Variants in COMMD1 observed in about 807,000 individuals in gnomAD.
The protein encoded by COMMD1 is copper metabolism domain containing 1, also known as COMM domain-containing protein 1.
In COMMD1, 10 loss-of-function variants were observed where a neutral mutation model predicts 17.2. That is an observed-to-expected ratio of 0.58 (90% CI 0.36 to 0.99). The LOEUF is 0.99. COMMD1 is among the 50% of genes least tolerant of loss of function. The pLI, the probability that COMMD1 is intolerant of heterozygous loss-of-function variation, is 0.01. For missense variants in COMMD1, 270 were observed against 231.8 expected, an observed-to-expected ratio of 1.17 and a Z score of -1.07; for synonymous variants, 97 against 91.6, an observed-to-expected ratio of 1.06 and a Z score of -0.34.
chr2:62,025,498 C>G (rs894868359), intron 2 of COMMD1, among the ~76,000 whole-genome samples: 8 of 152,086 alleles, frequency 5.3e-5, no homozygotes, highest in African/African-American at 1.9e-4. Flanking sequence ...CCACTGCATT[C>G]CAGCCTGGGG....
At chr2:62,097,907 A>T (rs1672055893) in intron 2 of COMMD1, among the ~76,000 whole-genome samples, 1 of 152,224 alleles carries the variant, frequency 6.6e-6, no homozygotes, top group Non-Finnish European at 1.5e-5. Flanking sequence ...CCCTCAGAGC[A>T]TCCCTATTCT....
intron 2 of COMMD1, among the ~76,000 whole-genome samples, chr2:62,063,136 G>T (rs1179247992): frequency 6.6e-6 from 1 of 152,136 alleles, no homozygotes; most frequent in Non-Finnish European, 1.5e-5. Context: ...AGAATCGCTT[G>T]AACCCAGGAG....
intron 2 of COMMD1, among the ~76,000 whole-genome samples, chr2:62,025,238 T>TA (rs1034767065): frequency 1.2e-4 from 15 of 129,852 alleles, no homozygotes; most frequent in Middle Eastern, 6.0e-3. Context: ...AACAAACAAA[T>TA]AAAAAAAAAC....
chr2:62,005,245 T>C (rs1198714822), intron 2 of COMMD1, among the ~76,000 whole-genome samples: 3 of 152,210 alleles, frequency 2.0e-5, no homozygotes, highest in Non-Finnish European at 2.9e-5. Flanking sequence ...GAACTTGGTA[T>C]CATATTTTTA....
chr2:61,915,156 C>T (rs1309221650), intron 1 of COMMD1, among the ~76,000 whole-genome samples: 1 of 151,982 alleles, frequency 6.6e-6, no homozygotes, highest in Non-Finnish European at 1.5e-5. Context: ...CAGGTGTGCA[C>T]CACCATGTCT....
At chr2:62,133,573 A>G (rs954658381) in intron 2 of COMMD1, among the ~76,000 whole-genome samples, 14 of 152,196 alleles carry the variant, frequency 9.2e-5, no homozygotes, top group Admixed American at 7.9e-4. Context: ...AGAAAATCCA[A>G]AGAGGCAGTT....
chr2:62,004,904 G>A (rs1046663131), intron 2 of COMMD1, among the ~76,000 whole-genome samples: 1 of 152,220 alleles, frequency 6.6e-6, no homozygotes, highest in African/African-American at 2.4e-5. Flanking sequence ...AGGATATCAA[G>A]AAGTTGCTTC....
At chr2:61,956,814 G>A (rs970971502) in intron 1 of COMMD1, among the ~76,000 whole-genome samples, 16 of 151,950 alleles carry the variant, frequency 1.1e-4, no homozygotes, top group South Asian at 6.2e-4. Flanking sequence ...GCAGTGGTGC[G>A]ATATCAGCTC....
chr2:62,090,628 A>T (rs895750080), intron 2 of COMMD1: 8 of 152,368 alleles, frequency 5.3e-5, no homozygotes, highest in Middle Eastern at 3.4e-3. Context: ...AAGTTTTGTT[A>T]CAGGAGAAGT....
intron 2 of COMMD1, among the ~76,000 whole-genome samples, chr2:62,039,650 T>G (rs1472438389): frequency 6.6e-6 from 1 of 152,218 alleles, no homozygotes; most frequent in Non-Finnish European, 1.5e-5. Context: ...GAAAGCACAA[T>G]TCTGTCTGAC....
At chr2:61,945,188 C>T (rs1002380000) in intron 1 of COMMD1, among the ~76,000 whole-genome samples, 1 of 152,184 alleles carries the variant, frequency 6.6e-6, no homozygotes, top group Non-Finnish European at 1.5e-5. Flanking sequence ...AGTTCAGCTA[C>T]TTACCTAGGA....
intron 1 of COMMD1, among the ~76,000 whole-genome samples, chr2:61,945,227 A>G (rs894052169): frequency 6.6e-6 from 1 of 152,216 alleles, no homozygotes; most frequent in African/African-American, 2.4e-5. Context: ...ACTGCTCTCT[A>G]CTATGCTACA....
At chr2:61,905,368 T>TA (rs1297535860), upstream of COMMD1, among the ~76,000 whole-genome samples, 6 of 152,204 alleles carry the variant, frequency 3.9e-5, no homozygotes, top group Non-Finnish European at 7.3e-5. Context: ...CTGCCAAACT[T>TA]ATAGGCTGCT....
At chr2:61,989,720 TC>T (rs1558550933) in intron 1 of COMMD1, among the ~76,000 whole-genome samples, 1 of 152,116 alleles carries the variant, frequency 6.6e-6, no homozygotes. Context: ...CACGTCGGCC[TC>T]CCAAAGTGCT....
chr2:61,900,751 C>T (rs187075827), upstream of COMMD1, among the ~76,000 whole-genome samples: 3 of 152,096 alleles, frequency 2.0e-5, no homozygotes, highest in Admixed American at 2.0e-4. Flanking sequence ...CCATGGAAAA[C>T]TAGGGGGTTT....
intron 2 of COMMD1, among the ~76,000 whole-genome samples, chr2:62,115,658 A>T (rs553562359): frequency 1.3e-5 from 2 of 152,318 alleles, no homozygotes; most frequent in Admixed American, 1.3e-4. Context: ...TATGTGAGTT[A>T]GGAAATATAC....
intron 2 of COMMD1, among the ~76,000 whole-genome samples, chr2:62,038,536 T>TA (rs909635164): frequency 6.6e-6 from 1 of 151,766 alleles, no homozygotes; most frequent in Non-Finnish European, 1.5e-5. Context: ...TTTTATTTTT[T>TA]ATCATTTATT....
chr2:62,044,440 T>C (rs1670324834), intron 2 of COMMD1, among the ~76,000 whole-genome samples: 1 of 152,222 alleles, frequency 6.6e-6, no homozygotes. Context: ...CTTGATCCTT[T>C]TACTGATTTC....
intron 1 of COMMD1, among the ~76,000 whole-genome samples, chr2:61,933,060 T>G (rs1473093336): frequency 6.6e-6 from 1 of 151,954 alleles, no homozygotes; most frequent in Non-Finnish European, 1.5e-5. Flanking sequence ...TGGCTCTCAG[T>G]GGGATGGGGA....
Sources: gnomAD v4.1 joint callset for allele counts (sites outside exome capture counted in the v4.1 genomes callset) on GRCh38, gnomAD v4.1.1 for gene constraint, MANE v1.5 for transcripts, NCBI Gene and HGNC (gene_info 2026-07-23, HGNC 2026-07-21) for gene names.